Variants in PDZRN4 observed in about 807,000 individuals in gnomAD.
PDZRN4 encodes the protein PDZ domain-containing RING finger protein 4.
In PDZRN4, 70 loss-of-function variants were observed where a neutral mutation model predicts 99.0. That is an observed-to-expected ratio of 0.71 (90% CI 0.58 to 0.86). The LOEUF (loss-of-function observed/expected upper bound fraction) is 0.86, where lower values mean the gene tolerates loss of function less well. Among genes scored for constraint, PDZRN4 ranks in the 40% least tolerant of loss-of-function variants. The pLI is 0.00. For synonymous variants in PDZRN4, 551 were observed against 501.6 expected, an observed-to-expected ratio of 1.10 and a Z score of -1.32; for missense variants, 1,474 against 1,331.2, an observed-to-expected ratio of 1.11 and a Z score of -1.67.
At chr12:41,534,865 C>T (rs1211729670) in intron 5 of PDZRN4, among the ~76,000 whole-genome samples, 1 of 152,096 alleles carries the variant, frequency 6.6e-6, no homozygotes, top group African/African-American at 2.4e-5. Flanking sequence ...TCATCAGTTA[C>T]ACAATATTCT....
intron 3 of PDZRN4, among the ~76,000 whole-genome samples, chr12:41,352,028 G>T (rs1474400966): frequency 9.5e-6 from 1 of 105,618 alleles, no homozygotes; most frequent in Non-Finnish European, 2.1e-5. Context: ...GAATAAAAAT[G>T]AGAAAGTAGA....
chr12:41,209,056 C>T (rs2120688387), intron 3 of PDZRN4, among the ~76,000 whole-genome samples: 1 of 151,904 alleles, frequency 6.6e-6, no homozygotes, highest in Non-Finnish European at 1.5e-5. Flanking sequence ...TGTGTTTTCT[C>T]TTTCTTTGCC....
rs1952444915 is a variant in PDZRN4, at chr12:41,416,290, TC to T, written c.844-90165del. ...TTTTCTTCTGTTGTAAATAAGAGAATCTTTTTCCTCTTTCTGAAAACAAAAA... is the reference window on the plus strand; with the variant it reads ...TTTTCTTCTGTTGTAAATAAGAGAATTTTTTCCTCTTTCTGAAAACAAAAA... On this transcript the variant is annotated intron_variant, in intron 3 of 9. Transcript: ENST00000402685. 3.3e-5 allele frequency among the ~76,000 whole-genome samples: 5 copies of T among 152,160 alleles called. No individual in the cohort carries two copies. The South Asian group carries it at 1.0e-3, about 32-fold the overall frequency.
intron 5 of PDZRN4, among the ~76,000 whole-genome samples, chr12:41,515,617 G>C (rs1469921483): frequency 1.3e-5 from 2 of 152,004 alleles, no homozygotes; most frequent in Non-Finnish European, 2.9e-5. Context: ...AAATATTTCA[G>C]ATGAGAATCT....
intron 3 of PDZRN4, among the ~76,000 whole-genome samples, chr12:41,324,931 C>T (rs1428074581): frequency 1.3e-5 from 2 of 152,058 alleles, no homozygotes; most frequent in East Asian, 1.9e-4. Context: ...GACACTAGGA[C>T]ATTTAACATT....
intron 3 of PDZRN4, among the ~76,000 whole-genome samples, chr12:41,241,144 G>A (rs1470711599): frequency 1.3e-5 from 2 of 151,452 alleles, no homozygotes; most frequent in Admixed American, 6.6e-5. Flanking sequence ...AATATATTTT[G>A]GAATATACCT....
intron 5 of PDZRN4, among the ~76,000 whole-genome samples, chr12:41,544,943 T>G (rs1214004695): frequency 6.6e-6 from 1 of 152,206 alleles, no homozygotes; most frequent in Non-Finnish European, 1.5e-5. Context: ...TGTGGCTTCT[T>G]TTCTTCATCT....
intron 3 of PDZRN4, among the ~76,000 whole-genome samples, chr12:41,212,901 GCT>G (rs1488140210): frequency 3.3e-5 from 5 of 151,980 alleles, no homozygotes; most frequent in African/African-American, 1.2e-4. Flanking sequence ...ATAGGAAAAG[GCT>G]TAGTGTATTA....
At chr12:41,241,508 C>G (rs1248079283) in intron 3 of PDZRN4, among the ~76,000 whole-genome samples, 1 of 148,580 alleles carries the variant, frequency 6.7e-6, no homozygotes, top group Non-Finnish European at 1.5e-5. Context: ...CTACCACATA[C>G]TGGCCCAGTA....
intron 3 of PDZRN4, among the ~76,000 whole-genome samples, chr12:41,505,403 G>A (rs1938187782): frequency 6.6e-6 from 1 of 152,116 alleles, no homozygotes; most frequent in South Asian, 2.1e-4. Flanking sequence ...GGATTCTAGA[G>A]TCCTTTATTA....
At chr12:41,297,018 T>TA in intron 3 of PDZRN4, among the ~76,000 whole-genome samples, 1 of 152,198 alleles carries the variant, frequency 6.6e-6, no homozygotes, top group Non-Finnish European at 1.5e-5. Flanking sequence ...GTTAATAGTG[T>TA]AAAAAAGACT....
At chr12:41,240,386 C>A (rs115278994) in intron 3 of PDZRN4, among the ~76,000 whole-genome samples, 3,327 of 152,226 alleles carry the variant, frequency 0.022, 87 homozygotes, top group African/African-American at 0.064. Context: ...TGTAGTTTTT[C>A]AGCATCATAC....
chr12:41,455,057 A>T (rs531659878), intron 3 of PDZRN4, among the ~76,000 whole-genome samples: 3 of 152,202 alleles, frequency 2.0e-5, no homozygotes, highest in Non-Finnish European at 4.4e-5. Flanking sequence ...AGAAATTATT[A>T]AGGAATCATA....
At chr12:41,341,355 G>C (rs1951815662) in intron 3 of PDZRN4, among the ~76,000 whole-genome samples, 1 of 151,746 alleles carries the variant, frequency 6.6e-6, no homozygotes, top group Admixed American at 6.6e-5. Flanking sequence ...GTTCTAGCCA[G>C]AGCAATTAGG....
chr12:41,547,462 C>T (rs1396387736), intron 5 of PDZRN4, among the ~76,000 whole-genome samples: 2 of 151,978 alleles, frequency 1.3e-5, no homozygotes, highest in South Asian at 2.1e-4. Flanking sequence ...CCCATCTCTA[C>T]TAAAAATACA....
chr12:41,384,457 A>C (rs1189714400), intron 3 of PDZRN4, among the ~76,000 whole-genome samples: 1 of 152,184 alleles, frequency 6.6e-6, no homozygotes, highest in East Asian at 1.9e-4. Context: ...AGATCAAATT[A>C]ATACTGTCTT....
intron 3 of PDZRN4, among the ~76,000 whole-genome samples, chr12:41,439,280 C>A (rs919923638): frequency 6.6e-5 from 10 of 151,944 alleles, no homozygotes; most frequent in Non-Finnish European, 1.5e-5. Context: ...CAAGGATAGG[C>A]TAAAATAATA....
intron 3 of PDZRN4, among the ~76,000 whole-genome samples, chr12:41,407,456 ACACT>A (rs954313753): frequency 1.1e-4 from 16 of 152,282 alleles, no homozygotes; most frequent in Admixed American, 9.8e-4. Flanking sequence ...GTAGGACCTA[ACACT>A]CTATCATCTG....
chr12:41,202,279 C>T (rs1352778170), intron 3 of PDZRN4, among the ~76,000 whole-genome samples: 1 of 152,024 alleles, frequency 6.6e-6, no homozygotes, highest in Non-Finnish European at 1.5e-5. Context: ...AAGCTTAAGG[C>T]ACAGCTCACT....
Sources: allele counts gnomAD v4.1 joint callset (sites outside exome capture counted in the v4.1 genomes callset), GRCh38; gene constraint gnomAD v4.1.1; transcripts MANE v1.5; gene names NCBI Gene and HGNC (gene_info 2026-07-23, HGNC 2026-07-21).